CECR2: variants seen among roughly 807,000 people sequenced by gnomAD.
The protein encoded by CECR2 is CECR2 histone acetyl-lysine reader.
In CECR2, 30 loss-of-function variants were observed where a neutral mutation model predicts 154.5. The observed-to-expected ratio is 0.19, with a 90% CI of 0.15 to 0.26. The LOEUF (loss-of-function observed/expected upper bound fraction) is 0.26. Ranked by LOEUF, CECR2 falls within the 10% of genes least tolerant of loss-of-function variation. The pLI is 1.00. For synonymous variants in CECR2, 725 were observed against 683.7 expected (o/e 1.06, Z -0.94); for missense variants, 1,743 against 1,829.3 (o/e 0.95, Z 0.86).
intron 1 of CECR2, among the ~76,000 whole-genome samples, chr22:17,462,800 CT>C (rs2054963471): frequency 6.6e-6 from 1 of 152,158 alleles, no homozygotes; most frequent in Admixed American, 6.6e-5. Context: ...GTAATCCCAT[CT>C]ACTCAGAAGG....
chr22:17,464,522 C>G (rs1027712858), intron 1 of CECR2, among the ~76,000 whole-genome samples: 4 of 152,118 alleles, frequency 2.6e-5, no homozygotes, highest in African/African-American at 9.7e-5. Context: ...CAAGGTCTCT[C>G]TCTTCTCTGC....
At chr22:17,400,029 TTATAA>T (rs2053868662) in intron 1 of CECR2, among the ~76,000 whole-genome samples, 1 of 152,212 alleles carries the variant, frequency 6.6e-6, no homozygotes, top group African/African-American at 2.4e-5. Flanking sequence ...TGGATGTATT[TTATAA>T]TATATTAAGT....
At chr22:17,504,075 T>A (rs181532721) in intron 6 of CECR2, among the ~76,000 whole-genome samples, 9 of 149,810 alleles carry the variant, frequency 6.0e-5, no homozygotes, top group Admixed American at 1.3e-4. Flanking sequence ...AATAAATAAA[T>A]AAAATTTAAA....
At chr22:17,484,894 A>G (rs749244503) in intron 2 of CECR2, among the ~76,000 whole-genome samples, 3 of 152,236 alleles carry the variant, frequency 2.0e-5, no homozygotes, top group Non-Finnish European at 4.4e-5. Context: ...AAAGGACATC[A>G]GGCCAGATTT....
At position 17,382,054 on chromosome 22, in the gene CECR2, AT is replaced by A. The variant is rs10680101; in HGVS notation, c.126+12162del. The stretch of plus-strand genomic sequence containing the variant: ...AGGCGCCTGCCACCACGCCCTGCTA[AT>A]TTTTTTTTTTTTTTTTAGTAGGGAC... On this transcript the variant is annotated intron_variant, in intron 1 of 18. Coordinates refer to ENST00000262608, the MANE Select transcript of CECR2 (RefSeq NM_001290047.2). Among the ~76,000 whole-genome samples, 868 of 146,128 alleles carry A rather than the reference AT, an allele frequency of 5.9e-3. 6 individuals carry two copies. The highest frequency in any genetic ancestry group is 0.012 in the African/African-American group (475 of 38,194).
chr22:17,371,625 A>C (rs2063062129), intron 1 of CECR2, among the ~76,000 whole-genome samples: 2 of 152,196 alleles, frequency 1.3e-5, no homozygotes, highest in South Asian at 4.1e-4. Flanking sequence ...TCCTGCAGTC[A>C]AAATGGTGGC....
chr22:17,479,735 C>T (rs1235030269), intron 2 of CECR2, among the ~76,000 whole-genome samples: 1 of 149,298 alleles, frequency 6.7e-6, no homozygotes, highest in Non-Finnish European at 1.5e-5. Flanking sequence ...GAAATGTGGG[C>T]AAAATTGACA....
chr22:17,470,407 A>G (rs2055106548), intron 1 of CECR2, among the ~76,000 whole-genome samples: 1 of 150,578 alleles, frequency 6.6e-6, no homozygotes, highest in Non-Finnish European at 1.5e-5. Flanking sequence ...AAAAAAAAAA[A>G]AGAAAAAAAA....
chr22:17,371,319 G>A (rs1373396979), intron 1 of CECR2, among the ~76,000 whole-genome samples: 1 of 152,176 alleles, frequency 6.6e-6, no homozygotes, highest in Non-Finnish European at 1.5e-5. Flanking sequence ...AGTTCCTTAA[G>A]CTGATTAAAA....
intron 3 of CECR2, among the ~76,000 whole-genome samples, chr22:17,498,022 C>T (rs1365432877): frequency 1.3e-5 from 2 of 152,208 alleles, no homozygotes; most frequent in Admixed American, 1.3e-4. Context: ...CACACATCCA[C>T]GTTACAAAAA....
chr22:17,418,125 AT>A (rs1569069311), intron 1 of CECR2, among the ~76,000 whole-genome samples: 1 of 152,172 alleles, frequency 6.6e-6, no homozygotes, highest in Non-Finnish European at 1.5e-5. Context: ...AATCATTTTC[AT>A]TCCCCAAGAA....
At chr22:17,511,723 T>G in intron 7 of CECR2, 90 bp from the exon 8 acceptor site, 2 of 1,186,484 alleles carry the variant, frequency 1.7e-6, no homozygotes, top group South Asian at 1.4e-5. Context: ...ATTGGCCACT[T>G]TTTTACTGGC....
chr22:17,374,482 C>T (rs981978566), intron 1 of CECR2, among the ~76,000 whole-genome samples: 7 of 152,142 alleles, frequency 4.6e-5, no homozygotes, highest in Admixed American at 3.3e-4. Flanking sequence ...TTTTGGTGTA[C>T]GTGTGTGCAC....
chr22:17,511,556 GT>G (rs995536694), intron 7 of CECR2, among the ~76,000 whole-genome samples: 3 of 151,296 alleles, frequency 2.0e-5, no homozygotes, highest in African/African-American at 7.3e-5. Flanking sequence ...TGTTAAGGGA[GT>G]TTTTTGCCAG....
Position 17,497,668 on chromosome 22 carries a change from T to A in CECR2, c.405+82T>A, listed in dbSNP as rs2055655659. The A allele has an allele frequency of 4.3e-6, 6 of 1,387,058 alleles. 1 individual carries two copies. The South Asian group carries it at 7.4e-5, about 17-fold the overall frequency. 85.9% of individuals were successfully genotyped at this position (1,387,058 alleles called of 1,614,324 possible). ...GTAGTCAGAACGTAAAACCCAAAGA[T>A]ACTAAGCCAGAGTTTGGCTTGTGGT... On this transcript the variant is annotated intron_variant, in intron 3 of 18. Coordinates refer to ENST00000262608, the MANE Select transcript of CECR2 (RefSeq NM_001290047.2).
At position 17,425,203 on chromosome 22, in the gene CECR2, G is replaced by A. The variant is rs2054312537; in HGVS notation, c.127-52385G>A. ...CCTTTTAGCGTCCAAGTGTAGTGTGGTATGGTCTTCAGAGGTTATAAATTG... is the reference window on the plus strand; with the variant it reads ...CCTTTTAGCGTCCAAGTGTAGTGTGATATGGTCTTCAGAGGTTATAAATTG... On this transcript the variant is annotated intron_variant, in intron 1 of 18. Coordinates refer to ENST00000262608, the MANE Select transcript of CECR2 (RefSeq NM_001290047.2). Among the ~76,000 whole-genome samples the A allele has an allele frequency of 7.2e-5, 11 of 152,086 alleles. 1 individual carries two copies. In the South Asian group the frequency reaches 2.3e-3, roughly 32 times the overall value.
At position 17,539,096 on chromosome 22, in the gene CECR2, G is replaced by A. The variant is rs773574847; in HGVS notation, c.1472G>A (p.Arg491Gln). The A allele has an allele frequency of 2.9e-5, 47 of 1,613,538 alleles. No individual in the cohort carries two copies. Among genetic ancestry groups the A allele is most frequent in the Admixed American group, 1.3e-4 (8 of 60,004 alleles). ...NDMKTMFRNC[R>Q]KYNGESSEYT... ...ATGAAGACCATGTTCAGGAATTGTC[G>A]AAAGTATAATGGGGAAAGTAGTGGT... Residue 491 changes from arginine to glutamine, a missense_variant, in exon 13 of 19, where the codon CGA (arginine) becomes CAA (glutamine). Physicochemically the swap from Arg to Gln is conservative, Grantham distance 43. Transcript: ENST00000262608.
At chr22:17,457,237 G>T (rs2054868450) in intron 1 of CECR2, among the ~76,000 whole-genome samples, 1 of 152,220 alleles carries the variant, frequency 6.6e-6, no homozygotes, top group Non-Finnish European at 1.5e-5. Flanking sequence ...ACGTTGGTCA[G>T]GCTGGTCTGG....
chr22:17,379,419 G>A (rs1334299235), intron 1 of CECR2, among the ~76,000 whole-genome samples: 1 of 152,202 alleles, frequency 6.6e-6, no homozygotes, highest in Non-Finnish European at 1.5e-5. Context: ...GCCGCAGGGA[G>A]GAGGGGTGAG....
Sources: allele counts gnomAD v4.1 joint callset (sites outside exome capture counted in the v4.1 genomes callset), GRCh38; gene constraint gnomAD v4.1.1; transcripts MANE v1.5; gene names NCBI Gene and HGNC (gene_info 2026-07-23, HGNC 2026-07-21).